ATP8B4: variants seen among roughly 807,000 people sequenced by gnomAD.
ATP8B4 encodes the protein probable phospholipid-transporting ATPase IM.
Under a neutral mutation model 145.6 loss-of-function variants are expected in ATP8B4, and 133 were observed. The observed-to-expected ratio is 0.91, with a 90% CI of 0.79 to 1.05. The LOEUF (loss-of-function observed/expected upper bound fraction) is 1.05. Ranked by LOEUF, ATP8B4 falls within the 50% of genes least tolerant of loss-of-function variation. The pLI is 0.00. For missense variants in ATP8B4, 1,458 were observed against 1,425.2 expected, an observed-to-expected ratio of 1.02 and a Z score of -0.37; for synonymous variants, 507 against 492.9, an observed-to-expected ratio of 1.03 and a Z score of -0.38.
At chr15:50,057,260 C>T (rs1369542619) in intron 3 of ATP8B4, among the ~76,000 whole-genome samples, 2 of 152,170 alleles carry the variant, frequency 1.3e-5, no homozygotes, top group African/African-American at 2.4e-5. Flanking sequence ...ATGCTGAACA[C>T]TATATCATCT....
chr15:50,065,467 G>A (rs78335862), intron 3 of ATP8B4, among the ~76,000 whole-genome samples: 4 of 152,144 alleles, frequency 2.6e-5, no homozygotes, highest in Non-Finnish European at 2.9e-5. Flanking sequence ...CTTTGAGACC[G>A]TTGGGGTTAG....
chr15:49,937,675 T>G (rs749883815), intron 14 of ATP8B4, among the ~76,000 whole-genome samples: 6 of 152,234 alleles, frequency 3.9e-5, no homozygotes, highest in Non-Finnish European at 8.8e-5. Context: ...ATTAAGATAT[T>G]TGAAACACAA....
intron 17 of ATP8B4, among the ~76,000 whole-genome samples, chr15:49,921,576 A>G (rs2040262433): frequency 2.6e-5 from 4 of 152,200 alleles, no homozygotes; most frequent in Admixed American, 2.6e-4. Flanking sequence ...CTACACTGCA[A>G]GTAAAGCATT....
intron 3 of ATP8B4, among the ~76,000 whole-genome samples, chr15:50,049,125 T>G (rs575981435): frequency 6.6e-6 from 1 of 152,206 alleles, no homozygotes; most frequent in Non-Finnish European, 1.5e-5. Flanking sequence ...GTGTACCCAT[T>G]TTTCCTACAA....
chr15:49,905,475 G>A (rs1334826761), intron 20 of ATP8B4, among the ~76,000 whole-genome samples: 1 of 151,196 alleles, frequency 6.6e-6, no homozygotes, highest in Non-Finnish European at 1.5e-5. Flanking sequence ...TTGAGCAATA[G>A]CTTTTTTGGA....
intron 3 of ATP8B4, among the ~76,000 whole-genome samples, chr15:50,069,452 C>A (rs114960689): frequency 0.014 from 2,207 of 152,224 alleles, 62 homozygotes; most frequent in African/African-American, 0.05. Context: ...TTTGTCTGAT[C>A]GGGCATAATG....
At chr15:50,046,626 C>T (rs2051745683) in intron 4 of ATP8B4, among the ~76,000 whole-genome samples, 1 of 152,214 alleles carries the variant, frequency 6.6e-6, no homozygotes, top group Non-Finnish European at 1.5e-5. Context: ...TACTTCTTAG[C>T]CATTCTTGAC....
intron 7 of ATP8B4, among the ~76,000 whole-genome samples, chr15:50,004,057 C>A (rs924808013): frequency 3.9e-5 from 6 of 152,188 alleles, no homozygotes; most frequent in Non-Finnish European, 7.3e-5. Context: ...TCCCCAGTTA[C>A]CAGCTTTTTC....
chr15:49,998,140 A>T (rs1207709883), intron 8 of ATP8B4, among the ~76,000 whole-genome samples: 1 of 152,178 alleles, frequency 6.6e-6, no homozygotes, highest in African/African-American at 2.4e-5. Context: ...CTTCCTCAGG[A>T]TCCTCTCCAC....
intron 13 of ATP8B4, among the ~76,000 whole-genome samples, chr15:49,963,136 G>A (rs981498388): frequency 1.4e-4 from 22 of 152,058 alleles, no homozygotes; most frequent in African/African-American, 5.1e-4. Context: ...CTCAAAAGAA[G>A]AATAAATGGG....
At chr15:49,940,299 A>G (rs755230461) in intron 14 of ATP8B4, among the ~76,000 whole-genome samples, 9 of 152,204 alleles carry the variant, frequency 5.9e-5, no homozygotes, top group Non-Finnish European at 1.3e-4. Flanking sequence ...GTAAGAGCAC[A>G]AAATCAAACA....
chr15:50,002,273 G>C lies in ATP8B4; in HGVS notation c.436-50C>G, dbSNP rs770300744. 3.4e-6 allele frequency: 5 copies of C among 1,466,856 alleles called. No homozygotes were observed. In the African/African-American group the frequency reaches 7.0e-5, roughly 21 times the overall value. The allele number at this position is 1,466,856 out of a possible 1,614,324, so 90.9% of individuals were successfully genotyped here. ...GAATACTTGAGAAGTTAGATTGGTT[G>C]AAAGTCTTCTACAGTATATCACCTC... is the stretch of plus-strand genomic sequence containing the variant. On this transcript the variant is annotated intron_variant, in intron 7 of 27. Coordinates refer to ENST00000284509, the MANE Select transcript of ATP8B4 (RefSeq NM_024837.4).
chr15:49,919,075 T>C (rs1250247921), intron 18 of ATP8B4, 125 bp from the exon 19 acceptor site: 23 of 705,630 alleles, frequency 3.3e-5, no homozygotes, highest in Non-Finnish European at 4.6e-5. Flanking sequence ...TTATGATACA[T>C]TGATATAGCA....
chr15:50,151,024 T>C (rs562557684), intron 1 of ATP8B4, among the ~76,000 whole-genome samples: 5 of 152,350 alleles, frequency 3.3e-5, no homozygotes, highest in African/African-American at 1.2e-4. Flanking sequence ...AATCTGTCTG[T>C]GGCATCAGGT....
intron 1 of ATP8B4, among the ~76,000 whole-genome samples, chr15:50,146,108 G>T (rs866478174): frequency 1.3e-5 from 2 of 148,934 alleles, no homozygotes; most frequent in Non-Finnish European, 3.0e-5. Context: ...TGCCCTCTGA[G>T]TTCAAGTGGT....
chr15:49,969,497 T>C (rs1395412753), intron 13 of ATP8B4, among the ~76,000 whole-genome samples: 1 of 152,060 alleles, frequency 6.6e-6, no homozygotes, highest in Non-Finnish European at 1.5e-5. Flanking sequence ...TATAAACACC[T>C]CTATGCAAAT....
intron 2 of ATP8B4, among the ~76,000 whole-genome samples, chr15:50,094,710 T>C (rs950689072): frequency 3.3e-5 from 3 of 91,086 alleles, no homozygotes; most frequent in African/African-American, 9.9e-5. Context: ...ATATATATAC[T>C]ACTATATATA....
At chr15:49,917,899 C>A (rs961225766) in intron 19 of ATP8B4, among the ~76,000 whole-genome samples, 1 of 152,146 alleles carries the variant, frequency 6.6e-6, no homozygotes, top group Non-Finnish European at 1.5e-5. Flanking sequence ...ACGGCTGTAA[C>A]TGACCAAAAT....
At chr15:50,114,890 G>A (rs2153674140) in intron 1 of ATP8B4, among the ~76,000 whole-genome samples, 1 of 152,282 alleles carries the variant, frequency 6.6e-6, no homozygotes, top group African/African-American at 2.4e-5. Flanking sequence ...TCCCTCTACT[G>A]ACATTCAATT....
Sources: allele counts gnomAD v4.1 joint callset (sites outside exome capture counted in the v4.1 genomes callset), GRCh38; gene constraint gnomAD v4.1.1; transcripts MANE v1.5; gene names NCBI Gene and HGNC (gene_info 2026-07-23, HGNC 2026-07-21).